Variants in ALG14 observed in about 807,000 individuals in gnomAD.
ALG14 encodes the protein ALG14 UDP-N-acetylglucosaminyltransferase subunit.
ALG14 carries 17 observed loss-of-function variants against 22.8 expected under a neutral mutation model. The observed-to-expected ratio is 0.75, with a 90% CI of 0.51 to 1.12. The LOEUF (loss-of-function observed/expected upper bound fraction) is 1.12, where lower values mean the gene tolerates loss of function less well. Among genes scored for constraint, ALG14 ranks in the 50% most tolerant of loss-of-function variants. ALG14 has a pLI of 0.00. For synonymous variants in ALG14, 89 were observed against 103.7 expected (o/e 0.86, Z 0.86); for missense variants, 288 against 271.8 (o/e 1.06, Z -0.42).
intron 2 of ALG14, among the ~76,000 whole-genome samples, chr1:95,039,107 T>C (rs895891075): frequency 6.6e-6 from 1 of 152,106 alleles, no homozygotes. Context: ...TTTCTAAGTA[T>C]AATAGTGTGG....
intron 2 of ALG14, among the ~76,000 whole-genome samples, chr1:95,053,813 G>A (rs1571660300): frequency 6.6e-6 from 1 of 152,098 alleles, no homozygotes; most frequent in African/African-American, 2.4e-5. Context: ...TAAACATTAT[G>A]GACATACACA....
Position 94,982,699 on chromosome 1 carries a change from C to CAAA in ALG14, c.*374_*376dup, listed in dbSNP as rs368855559. On this transcript the variant is annotated 3_prime_UTR_variant, in exon 4 of 4. Transcript: ENST00000370205. ...TTCTTTTACAATGCAGAATACTTTA[C>CAAA]AAAAAAAAAAAAAAAAAAAAAAAGC... is the stretch of plus-strand genomic sequence containing the variant. 0.062 allele frequency: 4,904 copies of CAAA among 79,434 alleles called. 819 individuals are homozygous for CAAA. The highest frequency in any genetic ancestry group is 0.07 in the Non-Finnish European group (3,175 of 45,662). The allele number at this position is 79,434 out of a possible 1,614,324, so 4.9% of individuals were successfully genotyped here. A position where few individuals can be genotyped will look rare whatever the true frequency, so the allele number is the denominator to read the frequency against.
chr1:95,044,958 A>G (rs919079168), intron 2 of ALG14, among the ~76,000 whole-genome samples: 3 of 152,160 alleles, frequency 2.0e-5, no homozygotes, highest in African/African-American at 7.2e-5. Context: ...AAGTTTTTAA[A>G]CATCAGGAAC....
At chr1:95,022,222 T>G (rs1673683721) in intron 3 of ALG14, 1 of 769,620 alleles carries the variant, frequency 1.3e-6, no homozygotes, top group Non-Finnish European at 1.6e-6. Flanking sequence ...GCAGCCTAAT[T>G]TTGACACAGA....
chr1:95,049,975 G>A (rs1338908449), intron 2 of ALG14, among the ~76,000 whole-genome samples: 1 of 152,134 alleles, frequency 6.6e-6, no homozygotes, highest in Non-Finnish European at 1.5e-5. Context: ...TTAACCAAAT[G>A]ACAGAAATTT....
chr1:95,059,257 CGTG>C (rs1200782011), intron 2 of ALG14, among the ~76,000 whole-genome samples: 1 of 151,494 alleles, frequency 6.6e-6, no homozygotes. Context: ...ATTAGTTGGG[CGTG>C]GTGGCGGGCA....
chr1:94,999,879 G>C (rs1189496636), intron 3 of ALG14, among the ~76,000 whole-genome samples: 2 of 152,042 alleles, frequency 1.3e-5, no homozygotes. Flanking sequence ...CCTTGCTCTT[G>C]ATCTCCACCA....
At chr1:95,002,965 C>T (rs1051166593) in intron 3 of ALG14, among the ~76,000 whole-genome samples, 1 of 152,156 alleles carries the variant, frequency 6.6e-6, no homozygotes, top group African/African-American at 2.4e-5. Flanking sequence ...CACACTGCAC[C>T]CACTGCAGAT....
chr1:94,989,251 T>C (rs1321824661), intron 3 of ALG14, among the ~76,000 whole-genome samples: 1 of 152,212 alleles, frequency 6.6e-6, no homozygotes, highest in Non-Finnish European at 1.5e-5. Flanking sequence ...GAGTTCTTGC[T>C]GAGTGAGAGG....
intron 3 of ALG14, among the ~76,000 whole-genome samples, chr1:95,023,750 G>A (rs1305467212): frequency 1.3e-5 from 2 of 152,144 alleles, no homozygotes; most frequent in East Asian, 3.9e-4. Context: ...AATGGCCAGG[G>A]TGGAATGAAG....
At chr1:95,064,640 C>T (rs987733497) in intron 2 of ALG14, among the ~76,000 whole-genome samples, 1 of 152,090 alleles carries the variant, frequency 6.6e-6, no homozygotes, top group African/African-American at 2.4e-5. Flanking sequence ...CCAACTTGAT[C>T]ATGGTGGATA....
At position 94,976,695 on chromosome 1, in the gene ALG14, GA is replaced by G. The variant is rs1553222804; in HGVS notation, c.*6380del. 226 of 140,080 alleles carry G rather than the reference GA, an allele frequency of 1.6e-3. No individual in the cohort carries two copies. Among genetic ancestry groups the G allele is most frequent in the African/African-American group, 3.8e-3 (147 of 38,486 alleles). 8.7% of individuals were successfully genotyped at this position (140,080 alleles called of 1,614,324 possible). A position where few individuals can be genotyped will look rare whatever the true frequency, so the allele number is the denominator to read the frequency against. On this transcript the variant is annotated 3_prime_UTR_variant, in exon 4 of 4. Transcript: ENST00000370205. ...TGACAGAGTGAGACTCCGTCTTAAA[GA>G]AAAAAAAAAAAGATGTCCCCTAATA...
intron 3 of ALG14, among the ~76,000 whole-genome samples, chr1:94,987,405 T>C (rs1253558368): frequency 6.6e-6 from 1 of 152,178 alleles, no homozygotes; most frequent in African/African-American, 2.4e-5. Context: ...TATGTGTCTG[T>C]TGGATGATTA....
intron 3 of ALG14, among the ~76,000 whole-genome samples, chr1:95,010,760 A>C (rs1388007057): frequency 6.6e-6 from 1 of 152,348 alleles, no homozygotes; most frequent in Middle Eastern, 3.4e-3. Flanking sequence ...GGATTTAGAA[A>C]ATACCACAAA....
chr1:95,016,636 A>C (rs183033741), intron 3 of ALG14, among the ~76,000 whole-genome samples: 3 of 152,320 alleles, frequency 2.0e-5, no homozygotes, highest in Non-Finnish European at 4.4e-5. Context: ...AAGAAGGTTC[A>C]GTGACAGCAG....
intron 2 of ALG14, among the ~76,000 whole-genome samples, chr1:95,030,909 T>C (rs954547605): frequency 2.0e-5 from 3 of 152,164 alleles, no homozygotes; most frequent in Admixed American, 6.5e-5. Context: ...GGACCTCCAA[T>C]ATATAAAATA....
At position 95,018,841 on chromosome 1, in the gene ALG14, G is replaced by T. The variant is rs181002832; in HGVS notation, c.420+8288C>A. On this transcript the variant is annotated intron_variant, in intron 3 of 3. Transcript: ENST00000370205. The stretch of plus-strand genomic sequence containing the variant: ...AAATTGGCTTAGGAATAATTAAACA[G>T]CAACAGACCAAGTTCCCTGAATCCA... Among the ~76,000 whole-genome samples, 21 of 152,318 alleles carry T rather than the reference G, an allele frequency of 1.4e-4. No homozygotes were observed. In the East Asian group the frequency reaches 3.9e-3, roughly 28 times the overall value.
intron 2 of ALG14, among the ~76,000 whole-genome samples, chr1:95,047,206 T>C (rs923642017): frequency 6.6e-6 from 1 of 152,134 alleles, no homozygotes; most frequent in Admixed American, 6.6e-5. Flanking sequence ...TATATATAAT[T>C]CATACTTTGT....
chr1:95,029,283 C>A (rs928266786), intron 2 of ALG14, among the ~76,000 whole-genome samples: 1 of 152,126 alleles, frequency 6.6e-6, no homozygotes, highest in Non-Finnish European at 1.5e-5. Context: ...CATAGGGCTC[C>A]TTAATTAAGT....
Sources: allele counts gnomAD v4.1 joint callset (sites outside exome capture counted in the v4.1 genomes callset), GRCh38; gene constraint gnomAD v4.1.1; transcripts MANE v1.5; gene names NCBI Gene and HGNC (gene_info 2026-07-23, HGNC 2026-07-21).